Variants in ACSL1 observed in about 807,000 individuals in gnomAD.
ACSL1 encodes the protein acyl-CoA synthetase long chain family member 1, also known as long-chain-fatty-acid--CoA ligase 1.
A neutral mutation model predicts 98.4 loss-of-function variants in ACSL1; 41 were observed. The observed-to-expected ratio is 0.42, with a 90% CI of 0.32 to 0.54. The LOEUF (loss-of-function observed/expected upper bound fraction) is 0.54. Ranked by LOEUF, ACSL1 falls within the 20% of genes least tolerant of loss-of-function variation. The probability of loss-of-function intolerance (pLI) is 0.13; values close to 1 mark genes in which losing one functional copy is unlikely to be tolerated. For synonymous variants in ACSL1, 316 were observed against 322.7 expected (o/e 0.98, Z 0.22); for missense variants, 734 against 883.1 (o/e 0.83, Z 2.14).
At chr4:184,822,566 T>C (rs1773142817) in intron 1 of ACSL1, among the ~76,000 whole-genome samples, 1 of 152,006 alleles carries the variant, frequency 6.6e-6, no homozygotes, top group African/African-American at 2.4e-5. Context: ...GCAAAACCGC[T>C]TCACTACGAA....
chr4:184,793,285 G>A (rs1284267298), intron 2 of ACSL1, among the ~76,000 whole-genome samples: 1 of 151,894 alleles, frequency 6.6e-6, no homozygotes, highest in Non-Finnish European at 1.5e-5. Context: ...ACAAGCTCAG[G>A]TTCCTCCTGA....
intron 10 of ACSL1, among the ~76,000 whole-genome samples, chr4:184,771,393 A>G (rs1424964897): frequency 1.3e-5 from 2 of 152,230 alleles, no homozygotes; most frequent in Non-Finnish European, 2.9e-5. Flanking sequence ...AGATAAAAGA[A>G]GGTGGATTTC....
intron 3 of ACSL1, among the ~76,000 whole-genome samples, chr4:184,785,618 GGGGA>G (rs1334188403): frequency 1.3e-4 from 4 of 30,440 alleles, no homozygotes; most frequent in East Asian, 3.4e-3. Context: ...GGGGGGGGGG[GGGGA>G]AGGAAGCAAA....
intron 3 of ACSL1, among the ~76,000 whole-genome samples, chr4:184,786,096 G>C (rs946000514): frequency 6.6e-6 from 1 of 152,266 alleles, no homozygotes; most frequent in South Asian, 2.1e-4. Context: ...CTGACATCCT[G>C]AGCTGCCCAG....
chr4:184,757,640 C>T lies in ACSL1; in HGVS notation c.1951G>A (p.Glu651Lys), dbSNP rs1762286338. ...LGKDSGLKPF[E>K]QVKGITLHPE... ...CACTCAGATGAAGGTCATACCTGTT[C>T]AAATGGTTTCAGACCAGAATCCTTC... is the stretch of plus-strand genomic sequence containing the variant. The change falls in exon 20 of 21, where the codon GAA becomes AAA. Residue 651 changes from glutamate to lysine, a missense_variant. Glu to Lys is a moderately conservative substitution (Grantham distance 56). Coordinates refer to ENST00000281455, the MANE Select transcript of ACSL1 (RefSeq NM_001995.5). This position sits in a 1 kb window ranked among gnomAD's most constrained non-coding sequence, Gnocchi z 4.5. The T allele has an allele frequency of 1.2e-6, 2 of 1,613,588 alleles. No homozygotes were observed. The highest frequency in any genetic ancestry group is 8.5e-7 in the Non-Finnish European group (1 of 1,179,908).
chr4:184,810,279 G>A (rs1579958759), intron 1 of ACSL1, among the ~76,000 whole-genome samples: 1 of 152,326 alleles, frequency 6.6e-6, no homozygotes, highest in Non-Finnish European at 1.5e-5. Flanking sequence ...GACTAGGACT[G>A]GTAGAGACGG....
intron 7 of ACSL1, among the ~76,000 whole-genome samples, chr4:184,775,214 T>A (rs1048840826): frequency 6.6e-6 from 1 of 152,198 alleles, no homozygotes; most frequent in Non-Finnish European, 1.5e-5. Flanking sequence ...AGTGGGGCGA[T>A]CTCTTCACCT....
chr4:184,786,692 CTT>C (rs34391801), intron 3 of ACSL1, among the ~76,000 whole-genome samples: 54,101 of 123,176 alleles, frequency 0.44, 10,384 homozygotes, highest in East Asian at 0.84. Flanking sequence ...TAGGCACTTT[CTT>C]TTTTTTTTTT....
intron 1 of ACSL1, among the ~76,000 whole-genome samples, chr4:184,819,659 T>C (rs955741687): frequency 6.6e-6 from 1 of 151,946 alleles, no homozygotes; most frequent in African/African-American, 2.4e-5. Context: ...CCTCAGGATA[T>C]GGTGGTTTGG....
Position 184,762,431 on chromosome 4 carries a change from T to C in ACSL1, c.1614A>G (p.Thr538=). The change falls in exon 17 of 21, where the codon ACA becomes ACG. Residue 538 remains threonine, a synonymous_variant. Coordinates refer to ENST00000281455, the MANE Select transcript of ACSL1 (RefSeq NM_001995.5). ...CTGGTAACCATTTTCCAATGTCCCC[T>C]GTGTGTAACCAGCCGTCTTTGTCCA... ...EALDKDGWLH[T]GDIGKWLPNG... is the part of the protein sequence containing the mutation. 1 of 1,614,226 alleles carries C rather than the reference T, an allele frequency of 6.2e-7. No individual in the cohort carries two copies. The highest frequency in any genetic ancestry group is 1.1e-5 in the South Asian group (1 of 91,084).
intron 1 of ACSL1, among the ~76,000 whole-genome samples, chr4:184,815,275 G>C (rs1247746901): frequency 6.6e-6 from 1 of 152,190 alleles, no homozygotes; most frequent in Non-Finnish European, 1.5e-5. Context: ...TGAGCAAAGA[G>C]GCAGGGAGGA....
chr4:184,780,366 T>G lies in ACSL1; in HGVS notation c.443A>C (p.Gln148Pro), dbSNP rs1427588495. 1.2e-6 allele frequency: 2 copies of G among 1,613,914 alleles called. No homozygotes were observed. The highest frequency in any genetic ancestry group is 3.3e-5 in the Admixed American group (2 of 60,026). ...IQKGFKTAPD[Q>P]FIGIFAQNRP... is the part of the protein sequence containing the mutation. ...ATTTTGAGCAAAGATGCCAATGAAC[T>G]GATCTGGGGCAGTCTTGAAGCCCTT... is the stretch of plus-strand genomic sequence containing the variant. The change falls in exon 5 of 21, where the codon CAG becomes CCG. Residue 148 changes from glutamine (Q) to proline (P), a missense_variant. Coordinates refer to ENST00000281455, the MANE Select transcript of ACSL1 (RefSeq NM_001995.5).
In ACSL1 at chr4:184,776,551, T is replaced by C. The variant is rs1025992720; in HGVS notation, c.689A>G (p.Tyr230Cys). The C allele has an allele frequency of 6.2e-7, 1 of 1,614,212 alleles. No individual in the cohort carries two copies. The change falls in exon 7 of 21, where the codon TAC becomes TGC. Residue 230 changes from tyrosine to cysteine, a missense_variant. Transcript: ENST00000281455. ...GLKIIVVMDAYGSELVERGQR... is the reference protein window; with the variant it reads ...GLKIIVVMDACGSELVERGQR... The stretch of plus-strand genomic sequence containing the variant: ...GCCTCGTTCCACCAGTTCACTGCCG[T>C]AGGCATCCATGACAACTATGATTTT...
intron 14 of ACSL1, among the ~76,000 whole-genome samples, chr4:184,765,330 C>A (rs1348686070): frequency 2.6e-5 from 4 of 152,190 alleles, no homozygotes; most frequent in African/African-American, 9.7e-5. Flanking sequence ...CAGCTGCATA[C>A]CTGCTTCTAA....
intron 17 of ACSL1, 26 bp from the exon 18 acceptor site, chr4:184,760,526 T>A: frequency 6.2e-7 from 1 of 1,613,052 alleles, no homozygotes; most frequent in Non-Finnish European, 8.5e-7. Context: ...GAGGGGGTTA[T>A]GAATGGGCTG....
At chr4:184,805,606 G>A (rs776213709) in intron 1 of ACSL1, 58 of 816,608 alleles carry the variant, frequency 7.1e-5, no homozygotes, top group Non-Finnish European at 8.1e-5. Flanking sequence ...GGAAGTGGGC[G>A]GGGGTTAGCA....
chr4:184,791,684 G>T (rs1579917221), intron 2 of ACSL1, among the ~76,000 whole-genome samples: 1 of 152,194 alleles, frequency 6.6e-6, no homozygotes, highest in African/African-American at 2.4e-5. Flanking sequence ...TGGAACAGGA[G>T]GGAGGGAAGA....
In ACSL1 at chr4:184,760,607, T is replaced by C. The variant is rs1762726584; in HGVS notation, c.1639-107A>G. On this transcript the variant is annotated intron_variant, in intron 17 of 20. Transcript: ENST00000281455. ...GTATTTAATACACACTATTGATTAA[T>C]TCTAATAACATCCCACAGAGGTCAG... 3 of 1,435,804 alleles carry C rather than the reference T, an allele frequency of 2.1e-6. No individual in the cohort carries two copies. The East Asian group carries it at 6.9e-5, about 33-fold the overall frequency. 88.9% of individuals were successfully genotyped at this position (1,435,804 alleles called of 1,614,324 possible). A position where few individuals can be genotyped will look rare whatever the true frequency, so the allele number is the denominator to read the frequency against.
At chr4:184,810,668 C>T (rs1771963605) in intron 1 of ACSL1, among the ~76,000 whole-genome samples, 1 of 152,090 alleles carries the variant, frequency 6.6e-6, no homozygotes, top group Non-Finnish European at 1.5e-5. Context: ...TGCCTCCTGA[C>T]CTCAGGGCTC....
Sources: allele counts gnomAD v4.1 joint callset (sites outside exome capture counted in the v4.1 genomes callset), GRCh38; gene constraint gnomAD v4.1.1; non-coding constraint Gnocchi (gnomAD v3.1); transcripts MANE v1.5; gene names NCBI Gene and HGNC (gene_info 2026-07-23, HGNC 2026-07-21).